Variants in IGFBP7 observed in about 807,000 individuals in gnomAD.
IGFBP7 encodes the protein insulin like growth factor binding protein 7.
Under a neutral mutation model 29.4 loss-of-function variants are expected in IGFBP7, and 31 were observed. The observed-to-expected ratio is 1.05, with a 90% CI of 0.79 to 1.42. The LOEUF (loss-of-function observed/expected upper bound fraction) is 1.42, where lower values mean the gene tolerates loss of function less well. Among genes scored for constraint, IGFBP7 ranks in the 40% most tolerant of loss-of-function variants. The probability of loss-of-function intolerance (pLI) is 0.00; values close to 1 mark genes in which losing one functional copy is unlikely to be tolerated. For missense variants in IGFBP7, 393 were observed against 395.5 expected, an observed-to-expected ratio of 0.99 and a Z score of 0.05; for synonymous variants, 172 against 174.9, an observed-to-expected ratio of 0.98 and a Z score of 0.13.
In IGFBP7 at chr4:57,032,142, G is replaced by A. The variant is rs183900743; in HGVS notation, c.829+284C>T. On this transcript the variant is annotated intron_variant, in intron 4 of 4. Coordinates refer to ENST00000295666, the MANE Select transcript of IGFBP7 (RefSeq NM_001553.3). ...AGGGAAAATGCCAAGTAGATAGGTA[G>A]AAAGCTATGGGAAATAGAAGCCATT... 642 of 465,672 alleles carry A rather than the reference G, an allele frequency of 1.4e-3. 6 individuals carry two copies. Among genetic ancestry groups the A allele is most frequent in the African/African-American group, 0.012 (619 of 49,806 alleles). The allele number at this position is 465,672 out of a possible 1,614,324, so 28.8% of individuals were successfully genotyped here.
chr4:57,100,802 G>T (rs1725880152), intron 1 of IGFBP7, among the ~76,000 whole-genome samples: 1 of 152,136 alleles, frequency 6.6e-6, no homozygotes, highest in Admixed American at 6.5e-5. Context: ...CAATGTTGCT[G>T]GTCTACATAC....
intron 1 of IGFBP7, among the ~76,000 whole-genome samples, chr4:57,082,258 A>G (rs2109787149): frequency 6.6e-6 from 1 of 152,316 alleles, no homozygotes; most frequent in South Asian, 2.1e-4. Context: ...ATCAGTTATA[A>G]TAAGAAAGAC....
In IGFBP7 at chr4:57,069,765, AG is replaced by A. The variant is rs539043353; in HGVS notation, c.476-28833del. Among the ~76,000 whole-genome samples, 454 of 152,264 alleles carry A rather than the reference AG, an allele frequency of 3.0e-3. 3 individuals are homozygous for A. Among genetic ancestry groups the A allele is most frequent in the African/African-American group, 0.011 (440 of 41,562 alleles). On this transcript the variant is annotated intron_variant, in intron 1 of 4. Transcript: ENST00000295666. ...TCATTATTGAGATTTCTATCTTTCT[AG>A]GCTGTTTATGGTCTCTCACAACAAA...
intron 1 of IGFBP7, among the ~76,000 whole-genome samples, chr4:57,061,163 G>A (rs1232849415): frequency 6.6e-6 from 1 of 152,106 alleles, no homozygotes; most frequent in Admixed American, 6.5e-5. Context: ...GGAAAACTGT[G>A]TGTCGTTTGC....
At chr4:57,098,651 C>T (rs1324548851) in intron 1 of IGFBP7, among the ~76,000 whole-genome samples, 1 of 152,208 alleles carries the variant, frequency 6.6e-6, no homozygotes, top group African/African-American at 2.4e-5. Flanking sequence ...TCTGCCCCAG[C>T]CTGCCCTTTC....
intron 1 of IGFBP7, among the ~76,000 whole-genome samples, chr4:57,070,771 T>C (rs1362204435): frequency 6.6e-6 from 1 of 152,218 alleles, no homozygotes; most frequent in Non-Finnish European, 1.5e-5. Context: ...GCTCACAAAC[T>C]GGCCGCAGGG....
rs114836726 is a variant in IGFBP7 at position 57,063,102 on chromosome 4, T to C, written c.476-22169A>G. Among the ~76,000 whole-genome samples the C allele has an allele frequency of 6.8e-3, 1,028 of 152,226 alleles. 13 individuals are homozygous for C. The highest frequency in any genetic ancestry group is 0.023 in the African/African-American group (966 of 41,518). On this transcript the variant is annotated intron_variant, in intron 1 of 4. Transcript: ENST00000295666. The stretch of plus-strand genomic sequence containing the variant: ...CTCCCTAGCCCCTAGCCTTTGCACA[T>C]GCCATTTTTTTCTAGAATATTCCCC...
chr4:57,034,778 G>T (rs562329383), intron 2 of IGFBP7, among the ~76,000 whole-genome samples: 1 of 152,120 alleles, frequency 6.6e-6, no homozygotes, highest in South Asian at 2.1e-4. Flanking sequence ...AAAATATCTT[G>T]CATGATTTGG....
Position 57,032,438 on chromosome 4 carries a change from G to A in IGFBP7, c.817C>T (p.Pro273Ser). Residue 273 changes from proline (P) to serine (S), a missense_variant, in exon 4 of 5, where the codon CCA becomes TCA. Transcript: ENST00000295666. ...ITVVDALHEI[P>S]VKKGEGAEL ...ATTTATTGTGTACCTTTTTTCACTG[G>A]TATTTCATGTAAGGCATCAACCACT... is the stretch of plus-strand genomic sequence containing the variant. The A allele has an allele frequency of 6.2e-7, 1 of 1,612,442 alleles. No individual in the cohort carries two copies. Among genetic ancestry groups the A allele is most frequent in the Non-Finnish European group, 8.5e-7 (1 of 1,179,230 alleles).
chr4:57,101,210 AG>A (rs1725888645), intron 1 of IGFBP7, among the ~76,000 whole-genome samples: 1 of 152,136 alleles, frequency 6.6e-6, no homozygotes, highest in Non-Finnish European at 1.5e-5. Flanking sequence ...TGAAGTTTTG[AG>A]GGGGTTGTTT....
chr4:57,055,655 G>C (rs1339377304), intron 1 of IGFBP7, among the ~76,000 whole-genome samples: 2 of 111,884 alleles, frequency 1.8e-5, no homozygotes, highest in African/African-American at 6.3e-5. Flanking sequence ...CGGTTCTCCT[G>C]GACTGCTTTC....
At chr4:57,109,796 G>A in intron 1 of IGFBP7, 81 bp downstream of exon 1, 1 of 1,442,798 alleles carries the variant, frequency 6.9e-7, no homozygotes, top group Non-Finnish European at 9.1e-7. Context: ...CGCGGGGCGA[G>A]GCCGCCGCGG....
Position 57,110,024 on chromosome 4 carries a change from C to T in IGFBP7, c.328G>A (p.Val110Met). ...AAAGGPGVSGVCVCKSRYPVC... is the reference protein window; with the variant it reads ...AAAGGPGVSGMCVCKSRYPVC... The stretch of plus-strand genomic sequence containing the variant: ...GGGTAGCGGCTCTTGCACACGCACA[C>T]GCCGCTTACACCCGGACCGCCGGCT... Residue 110 changes from valine to methionine, a missense_variant, in exon 1 of 5, where the codon GTG becomes ATG. Coordinates refer to ENST00000295666, the MANE Select transcript of IGFBP7 (RefSeq NM_001553.3). 1 of 1,554,854 alleles carries T rather than the reference C, an allele frequency of 6.4e-7. No individual in the cohort carries two copies. The highest frequency in any genetic ancestry group is 8.6e-7 in the Non-Finnish European group (1 of 1,156,290).
chr4:57,062,758 C>G (rs1724828458), intron 1 of IGFBP7, among the ~76,000 whole-genome samples: 1 of 152,068 alleles, frequency 6.6e-6, no homozygotes, highest in South Asian at 2.1e-4. Context: ...GGCAGGAATC[C>G]TAGGAAAACT....
At chr4:57,097,264 C>A (rs1415205209) in intron 1 of IGFBP7, among the ~76,000 whole-genome samples, 1 of 152,206 alleles carries the variant, frequency 6.6e-6, no homozygotes, top group Non-Finnish European at 1.5e-5. Context: ...ATATTTTATG[C>A]TGCAAAGCAA....
Position 57,031,285 on chromosome 4 carries a change from T to C in IGFBP7, c.*32A>G, listed in dbSNP as rs999071301. 2 of 1,581,134 alleles carry C rather than the reference T, an allele frequency of 1.3e-6. No homozygotes were observed. Among genetic ancestry groups the C allele is most frequent in the African/African-American group, 2.7e-5 (2 of 74,304 alleles). Reference sequence around the variant, plus strand: ...GTAATGTAGTTATCCATGACTACTTTTAACCATGCAGACTAATAATATTCT... The same window carrying C: ...GTAATGTAGTTATCCATGACTACTTCTAACCATGCAGACTAATAATATTCT... On this transcript the variant is annotated 3_prime_UTR_variant, in exon 5 of 5. Coordinates refer to ENST00000295666, the MANE Select transcript of IGFBP7 (RefSeq NM_001553.3).
intron 1 of IGFBP7, among the ~76,000 whole-genome samples, chr4:57,090,745 G>A (rs1725619185): frequency 6.6e-6 from 1 of 152,134 alleles, no homozygotes; most frequent in Non-Finnish European, 1.5e-5. Context: ...CTACTTGGGA[G>A]GCTGAGGTGG....
chr4:57,072,890 A>C (rs1725090667), intron 1 of IGFBP7: 1 of 677,794 alleles, frequency 1.5e-6, no homozygotes, highest in African/African-American at 1.8e-5. Context: ...GAAGTTCCTC[A>C]CGCCCTGCTA....
At chr4:57,038,281 C>T (rs1724131968) in intron 2 of IGFBP7, among the ~76,000 whole-genome samples, 1 of 152,212 alleles carries the variant, frequency 6.6e-6, no homozygotes, top group South Asian at 2.1e-4. Flanking sequence ...TTTCTTTCCT[C>T]TGGGGTCTTT....
Sources: allele counts gnomAD v4.1 joint callset (sites outside exome capture counted in the v4.1 genomes callset), GRCh38; gene constraint gnomAD v4.1.1; transcripts MANE v1.5; gene names NCBI Gene and HGNC (gene_info 2026-07-23, HGNC 2026-07-21).